The following PNMA2 variants were observed in gnomAD, a reference collection of about 807,000 sequenced individuals.
PNMA2 encodes the protein paraneoplastic antigen Ma2.
For missense variants in PNMA2, 455 were observed against 452.9 expected (o/e 1.00, Z -0.04); for synonymous variants, 175 against 183.5 (o/e 0.95, Z 0.38).
chr8:26,510,415 T>A (rs1033001772), intron 1 of PNMA2, among the ~76,000 whole-genome samples: 1 of 152,206 alleles, frequency 6.6e-6, no homozygotes, highest in African/African-American at 2.4e-5. Context: ...AGACAATAAG[T>A]TACTAACACA....
chr8:26,513,359 C>T (rs1370464817), intron 1 of PNMA2, among the ~76,000 whole-genome samples: 2 of 151,868 alleles, frequency 1.3e-5, no homozygotes, highest in Non-Finnish European at 2.9e-5. Context: ...CTGCTACGCC[C>T]CTCTGAATTT....
Position 26,508,098 on chromosome 8 carries a change from T to C in PNMA2, c.658A>G (p.Ile220Val), listed in dbSNP as rs1400999982. Reference protein sequence around the residue: ...LRGPALDLMHIVQADNPSISV... With the variant: ...LRGPALDLMHVVQADNPSISV... ...ATGGACGGGTTGTCTGCCTGCACTA[T>C]GTGCATGAGGTCCAGGGCAGGGCCC... Residue 220 changes from isoleucine (I) to valine (V), a missense_variant, in exon 3 of 3, where the codon ATA (isoleucine) becomes GTA (valine). Coordinates refer to ENST00000522362, the MANE Select transcript of PNMA2 (RefSeq NM_007257.6). This position sits in a 1 kb window ranked among gnomAD's most constrained non-coding sequence, Gnocchi z 5.5. The C allele has an allele frequency of 5.6e-6, 9 of 1,614,108 alleles. No homozygotes were observed. The South Asian group carries it at 7.7e-5, about 14-fold the overall frequency.
chr8:26,513,725 G>A (rs1808216716), intron 1 of PNMA2, 91 bp downstream of exon 1: 2 of 152,874 alleles, frequency 1.3e-5, no homozygotes, highest in South Asian at 4.1e-4. Context: ...CGGGGCAGAG[G>A]CGCCTGGGCC....
In PNMA2 at chr8:26,509,041, C is replaced by A; in HGVS notation, c.-286G>T. The A allele has an allele frequency of 1.9e-6, 1 of 525,834 alleles. No homozygotes were observed. The highest frequency in any genetic ancestry group is 2.9e-6 in the Non-Finnish European group (1 of 349,316). 32.6% of individuals were successfully genotyped at this position (525,834 alleles called of 1,614,324 possible). Reference sequence around the variant, plus strand: ...CACCTGTGCCCGCAGCTCTGAAGTCCGATTGCCAGTGATTTTCTCAAAGAT... The same window carrying A: ...CACCTGTGCCCGCAGCTCTGAAGTCAGATTGCCAGTGATTTTCTCAAAGAT... On this transcript the variant is annotated 5_prime_UTR_variant, in exon 3 of 3. Transcript: ENST00000522362. This position sits in a 1 kb window ranked among gnomAD's most constrained non-coding sequence, Gnocchi z 5.7.
Position 26,508,146 on chromosome 8 carries a change from T to G in PNMA2, c.610A>C (p.Arg204=), listed in dbSNP as rs370090412. ...EWPVTEAEKK[R]WLAESLRGPA... ...CCCCGCAGGCTTTCCGCCAGCCACC[T>G]TTTCTTTTCTGCCTCTGTTACTGGC... is the stretch of plus-strand genomic sequence containing the variant. Residue 204 remains arginine, a synonymous_variant, in exon 3 of 3, where the codon AGG becomes CGG. Transcript: ENST00000522362. This position sits in a 1 kb window ranked among gnomAD's most constrained non-coding sequence, Gnocchi z 5.5. 9.3e-6 allele frequency: 15 copies of G among 1,614,194 alleles called. No homozygotes were observed. Among genetic ancestry groups the G allele is most frequent in the Non-Finnish European group, 1.3e-5 (15 of 1,180,028 alleles).
rs1282643083 is a variant in PNMA2 at position 26,507,728 on chromosome 8, T to C, written c.1028A>G (p.Asn343Ser). Residue 343 changes from asparagine (N) to serine (S), a missense_variant, in exon 3 of 3, where the codon AAT becomes AGT. Asn to Ser is a conservative substitution (Grantham distance 46, BLOSUM62 1). Coordinates refer to ENST00000522362, the MANE Select transcript of PNMA2 (RefSeq NM_007257.6). The part of the protein sequence containing the change: ...EEEEEEASFE[N>S]ESIEEPEERD... ...TTCCTCTGGCTCTTCGATACTCTCA[T>C]TCTCAAAGGAGGCCTCTTCCTCCTC... 6.2e-7 allele frequency: 1 copy of C among 1,606,830 alleles called. No individual in the cohort carries two copies. The highest frequency in any genetic ancestry group is 1.7e-5 in the Admixed American group (1 of 58,926).
chr8:26,510,781 GA>G (rs2117583282), intron 1 of PNMA2, among the ~76,000 whole-genome samples: 1 of 152,094 alleles, frequency 6.6e-6, no homozygotes, highest in East Asian at 1.9e-4. Flanking sequence ...CCCATCATTT[GA>G]GAAAAAAGAA....
Position 26,507,759 on chromosome 8 carries a change from C to T in PNMA2, c.997G>A (p.Glu333Lys), listed in dbSNP as rs750545734. The T allele has an allele frequency of 6.2e-7, 1 of 1,613,272 alleles. No individual in the cohort carries two copies. Among genetic ancestry groups the T allele is most frequent in the East Asian group, 2.2e-5 (1 of 44,856 alleles). ...AAGGAGGCCTCTTCCTCCTCTTCTT[C>T]CCGTATTACCTTCATTAGCTCAAGG... is the stretch of plus-strand genomic sequence containing the variant. ...SFLELMKVIR[E>K]EEEEEASFEN... The change falls in exon 3 of 3, where the codon GAA becomes AAA. Residue 333 changes from glutamate to lysine, a missense_variant. Transcript: ENST00000522362.
chr8:26,506,260 C>T lies in PNMA2; in HGVS notation c.*1401G>A, dbSNP rs183466082. ...TATACCACAACAGGGTGGCTGTATACATTCAATGAGATATACATGAAACAC... is the reference window on the plus strand; with the variant it reads ...TATACCACAACAGGGTGGCTGTATATATTCAATGAGATATACATGAAACAC... On this transcript the variant is annotated 3_prime_UTR_variant, in exon 3 of 3. Coordinates refer to ENST00000522362, the MANE Select transcript of PNMA2 (RefSeq NM_007257.6). The surrounding 1 kb of genome is among the most constrained non-coding windows in gnomAD (Gnocchi z 4.4). The T allele has an allele frequency of 2.0e-5, 3 of 152,302 alleles. No homozygotes were observed. The highest frequency in any genetic ancestry group is 7.2e-5 in the African/African-American group (3 of 41,564). 9.4% of individuals were successfully genotyped at this position (152,302 alleles called of 1,614,324 possible).
Position 26,508,964 on chromosome 8 carries a change from T to G in PNMA2, c.-209A>C. On this transcript the variant is annotated 5_prime_UTR_variant, in exon 3 of 3. Coordinates refer to ENST00000522362, the MANE Select transcript of PNMA2 (RefSeq NM_007257.6). The surrounding 1 kb of genome is among the most constrained non-coding windows in gnomAD (Gnocchi z 5.5). ...TACTCAGTGGCAAGAACTCAGGACT[T>G]CTTGTCTTTAGGCCTGACCCAGGTG... is the stretch of plus-strand genomic sequence containing the variant. 7.4e-7 allele frequency: 1 copy of G among 1,355,530 alleles called. No homozygotes were observed. The highest frequency in any genetic ancestry group is 1.5e-5 in the African/African-American group (1 of 67,998). The allele number at this position is 1,355,530 out of a possible 1,614,324, so 84.0% of individuals were successfully genotyped here.
chr8:26,508,837 T>C lies in PNMA2; in HGVS notation c.-82A>G. The C allele has an allele frequency of 6.6e-7, 1 of 1,523,534 alleles. No homozygotes were observed. The highest frequency in any genetic ancestry group is 1.3e-5 in the South Asian group (1 of 74,282). The allele number at this position is 1,523,534 out of a possible 1,614,324, so 94.4% of individuals were successfully genotyped here. ...CTATGCACTGACTTAATATTGAAAA[T>C]ATCCTGGATGAGCTTCTAACCTTAG... is the stretch of plus-strand genomic sequence containing the variant. On this transcript the variant is annotated 5_prime_UTR_variant, in exon 3 of 3. The change creates a new upstream start codon in the 5' untranslated region. Coordinates refer to ENST00000522362, the MANE Select transcript of PNMA2 (RefSeq NM_007257.6). This position sits in a 1 kb window ranked among gnomAD's most constrained non-coding sequence, Gnocchi z 5.5.
rs1808102686 is a variant in PNMA2, at chr8:26,509,049, A to T, written c.-294T>A. 2.1e-6 allele frequency: 1 copy of T among 486,526 alleles called. No individual in the cohort carries two copies. Among genetic ancestry groups the T allele is most frequent in the African/African-American group, 2.0e-5 (1 of 49,656 alleles). 30.1% of individuals were successfully genotyped at this position (486,526 alleles called of 1,614,324 possible). A position where few individuals can be genotyped will look rare whatever the true frequency, so the allele number is the denominator to read the frequency against. On this transcript the variant is annotated 5_prime_UTR_variant, in exon 3 of 3. Coordinates refer to ENST00000522362, the MANE Select transcript of PNMA2 (RefSeq NM_007257.6). This position sits in a 1 kb window ranked among gnomAD's most constrained non-coding sequence, Gnocchi z 5.7. ...CCCGCAGCTCTGAAGTCCGATTGCCAGTGATTTTCTCAAAGATGCTGGCAG... is the reference window on the plus strand; with the variant it reads ...CCCGCAGCTCTGAAGTCCGATTGCCTGTGATTTTCTCAAAGATGCTGGCAG...
rs1262073209 is a variant in PNMA2 at position 26,507,829 on chromosome 8, C to T, written c.927G>A (p.Trp309Ter). 2 of 1,613,728 alleles carry T rather than the reference C, an allele frequency of 1.2e-6. No individual in the cohort carries two copies. Among genetic ancestry groups the T allele is most frequent in the Non-Finnish European group, 1.7e-6 (2 of 1,179,778 alleles). Residue 309 changes from tryptophan (W) to a stop codon, truncating the protein, a stop_gained, in exon 3 of 3, where the codon TGG becomes TGA. Coordinates refer to ENST00000522362, the MANE Select transcript of PNMA2 (RefSeq NM_007257.6). LOFTEE classifies it low-confidence loss of function (END_TRUNC). ...MAGATLNQMLWCRLRELKDQG... is the reference protein window; with the variant it reads ...MAGATLNQML ...GATCCTTCAGCTCCCTAAGCCGGCACCACAGCATCTGGTTAAGAGTGGCCC... is the reference window on the plus strand; with the variant it reads ...GATCCTTCAGCTCCCTAAGCCGGCATCACAGCATCTGGTTAAGAGTGGCCC...
chr8:26,506,060 A>G lies in PNMA2; in HGVS notation c.*1601T>C, dbSNP rs1244113349. On this transcript the variant is annotated 3_prime_UTR_variant, in exon 3 of 3. Transcript: ENST00000522362. This position sits in a 1 kb window ranked among gnomAD's most constrained non-coding sequence, Gnocchi z 4.4. The stretch of plus-strand genomic sequence containing the variant: ...ATTTTGGAGATGGCACTGCTAGAAA[A>G]TCTGCAGAACTGCAGAGCACAATTT... 6.6e-6 allele frequency: 1 copy of G among 152,168 alleles called. No individual in the cohort carries two copies. Among genetic ancestry groups the G allele is most frequent in the Non-Finnish European group, 1.5e-5 (1 of 68,034 alleles). The allele number at this position is 152,168 out of a possible 1,614,324, so 9.4% of individuals were successfully genotyped here.
Position 26,508,684 on chromosome 8 carries a change from C to T in PNMA2, c.72G>A (p.Thr24=), listed in dbSNP as rs563938972. Residue 24 remains threonine, a synonymous_variant, in exon 3 of 3, where the codon ACG becomes ACA. Coordinates refer to ENST00000522362, the MANE Select transcript of PNMA2 (RefSeq NM_007257.6). The surrounding 1 kb of genome is among the most constrained non-coding windows in gnomAD (Gnocchi z 5.5). ...SVDEQKSLMV[T]GIPADFEEAE... ...CCTCCTCAAAGTCCGCCGGTATCCC[C>T]GTAACCATCAGTGACTTCTGCTCAT... 18 of 1,614,176 alleles carry T rather than the reference C, an allele frequency of 1.1e-5. No individual in the cohort carries two copies. The highest frequency in any genetic ancestry group is 1.6e-4 in the Middle Eastern group (1 of 6,062).
Position 26,509,051 on chromosome 8 carries a change from T to A in PNMA2, c.-296A>T. The A allele has an allele frequency of 2.1e-6, 1 of 473,226 alleles. No individual in the cohort carries two copies. The highest frequency in any genetic ancestry group is 3.3e-6 in the Non-Finnish European group (1 of 305,460). 29.3% of individuals were successfully genotyped at this position (473,226 alleles called of 1,614,324 possible). Reference sequence around the variant, plus strand: ...CGCAGCTCTGAAGTCCGATTGCCAGTGATTTTCTCAAAGATGCTGGCAGCC... The same window carrying A: ...CGCAGCTCTGAAGTCCGATTGCCAGAGATTTTCTCAAAGATGCTGGCAGCC... On this transcript the variant is annotated 5_prime_UTR_variant, in exon 3 of 3. Transcript: ENST00000522362. This position sits in a 1 kb window ranked among gnomAD's most constrained non-coding sequence, Gnocchi z 5.7.
intron 1 of PNMA2, among the ~76,000 whole-genome samples, chr8:26,512,225 A>C (rs966780599): frequency 1.3e-5 from 2 of 152,218 alleles, no homozygotes; most frequent in South Asian, 2.1e-4. Flanking sequence ...CTGATAAGGC[A>C]CGCATCTCAC....
chr8:26,513,532 C>G (rs1808210371), intron 1 of PNMA2, among the ~76,000 whole-genome samples: 2 of 152,176 alleles, frequency 1.3e-5, no homozygotes, highest in African/African-American at 4.8e-5. Context: ...TTGGCTGCCC[C>G]CCTCCTGTCC....
At chr8:26,511,875 A>C (rs1243551680) in intron 1 of PNMA2, 1 of 152,260 alleles carries the variant, frequency 6.6e-6, no homozygotes, top group Non-Finnish European at 1.5e-5. Flanking sequence ...CCCAGGAAAA[A>C]GCATCTCTAT....
Sources: gnomAD v4.1 joint callset for allele counts (sites outside exome capture counted in the v4.1 genomes callset) on GRCh38, gnomAD v4.1.1 for gene constraint, Gnocchi (gnomAD v3.1) non-coding constraint, MANE v1.5 for transcripts, NCBI Gene and HGNC (gene_info 2026-07-23, HGNC 2026-07-21) for gene names.